EVI5L: variants seen among roughly 807,000 people sequenced by gnomAD.
The protein encoded by EVI5L is ecotropic viral integration site 5 like, also known as EVI5-like protein.
In EVI5L, 30 loss-of-function variants were observed where a neutral mutation model predicts 106.1. That is an observed-to-expected ratio of 0.28 (90% CI 0.21 to 0.38). EVI5L has a LOEUF of 0.38. Among genes scored for constraint, EVI5L ranks in the 10% least tolerant of loss-of-function variants. The pLI is 1.00. For missense variants in EVI5L, 809 were observed against 1,098.0 expected (o/e 0.74, Z 3.72); for synonymous variants, 489 against 483.3 (o/e 1.01, Z -0.15).
rs1478330630 is a variant in EVI5L at position 7,863,112 on chromosome 19, C to T, written c.2043+45C>T. On this transcript the variant is annotated intron_variant, in intron 18 of 19. Coordinates refer to ENST00000538904, the MANE Select transcript of EVI5L (RefSeq NM_001159944.3). This position sits in a 1 kb window ranked among gnomAD's most constrained non-coding sequence, Gnocchi z 7.7. ...TCGGGGGGCGGGGGCGGGGGCAGGG[C>T]CCGGGGCAGGAGCGGGGCCGGACCC... The T allele has an allele frequency of 6.6e-7, 1 of 1,524,534 alleles. No homozygotes were observed. Among genetic ancestry groups the T allele is most frequent in the East Asian group, 2.5e-5 (1 of 39,600 alleles). 94.4% of individuals were successfully genotyped at this position (1,524,534 alleles called of 1,614,324 possible).
At chr19:7,862,736 G>GACC (rs1568246246) in intron 17 of EVI5L, among the ~76,000 whole-genome samples, 5 of 48,000 alleles carry the variant, frequency 1.0e-4, no homozygotes, top group Non-Finnish European at 1.7e-4. Context: ...CCCGCCTCCT[G>GACC]ACCACCCCCC....
In EVI5L at chr19:7,846,529, C is replaced by T; in HGVS notation, c.-14C>T. The T allele has an allele frequency of 6.2e-7, 1 of 1,602,510 alleles. No individual in the cohort carries two copies. The highest frequency in any genetic ancestry group is 1.3e-5 in the African/African-American group (1 of 74,238). ...GTGAACCAACCCCGCTCACGGCTAA[C>T]AAGCCCACCCACCATGGCGAGCCCC... On this transcript the variant is annotated 5_prime_UTR_variant, in exon 2 of 20. Transcript: ENST00000538904.
intron 13 of EVI5L, 80 bp from the exon 14 acceptor site, chr19:7,860,481 G>C: frequency 7.8e-7 from 1 of 1,287,278 alleles, no homozygotes; most frequent in South Asian, 1.4e-5. Flanking sequence ...CTGGGGAGGC[G>C]GGGAGAAGCC....
At chr19:7,862,647 TGCCCGCGGTCCTCCCGCCCCC>T (rs1269121932) in intron 17 of EVI5L, 113 bp downstream of exon 17, 15 of 895,780 alleles carry the variant, frequency 1.7e-5, no homozygotes, top group East Asian at 1.1e-4. Flanking sequence ...GATCTGCCCC[TGCCCGCGGTCCTCCCGCCCCC>T]GCCCGCGGCC....
intron 1 of EVI5L, among the ~76,000 whole-genome samples, chr19:7,832,308 C>T (rs1244796338): frequency 3.9e-5 from 6 of 152,208 alleles, no homozygotes; most frequent in African/African-American, 1.4e-4. Flanking sequence ...GGAGCCGGGC[C>T]GGTCCAGTCC....
At chr19:7,837,001 C>T (rs1222606681) in intron 1 of EVI5L, among the ~76,000 whole-genome samples, 1 of 151,554 alleles carries the variant, frequency 6.6e-6, no homozygotes, top group Admixed American at 6.6e-5. Context: ...AGTTCAAGAC[C>T]AGCCTGGGCA....
Position 7,848,056 on chromosome 19 carries a change from T to G in EVI5L, c.327+135T>G. On this transcript the variant is annotated intron_variant, in intron 3 of 19. Transcript: ENST00000538904. This position sits in a 1 kb window ranked among gnomAD's most constrained non-coding sequence, Gnocchi z 4.8. The stretch of plus-strand genomic sequence containing the variant: ...GGCAGCAGTGGAGATGTGCAGGCAC[T>G]TTCAGGGTGTCCTGCCAGAGCACAG... The G allele has an allele frequency of 1.1e-6, 1 of 945,500 alleles. No individual in the cohort carries two copies. The highest frequency in any genetic ancestry group is 1.5e-6 in the Non-Finnish European group (1 of 650,916). The allele number at this position is 945,500 out of a possible 1,614,324, so 58.6% of individuals were successfully genotyped here.
intron 1 of EVI5L, among the ~76,000 whole-genome samples, chr19:7,832,047 G>A (rs947358630): frequency 6.6e-6 from 1 of 152,250 alleles, no homozygotes; most frequent in Non-Finnish European, 1.5e-5. Flanking sequence ...CCCCTCGGCC[G>A]GGATGTGATT....
At chr19:7,862,597 G>A (rs1979872818) in intron 17 of EVI5L, 63 bp downstream of exon 17, 1 of 1,307,232 alleles carries the variant, frequency 7.6e-7, no homozygotes, top group South Asian at 1.9e-5. Context: ...CCTACATGAG[G>A]CCCCGCCCCC....
At chr19:7,843,202 T>G (rs1272113478) in intron 1 of EVI5L, among the ~76,000 whole-genome samples, 2 of 145,384 alleles carry the variant, frequency 1.4e-5, no homozygotes, top group Non-Finnish European at 3.0e-5. Flanking sequence ...TGTATAGGGG[T>G]GTGTGTGTGA....
At chr19:7,862,934 T>A in intron 17 of EVI5L, 38 bp from the exon 18 acceptor site, 149 of 846,234 alleles carry the variant, frequency 1.8e-4, no homozygotes, top group Non-Finnish European at 2.4e-4. Flanking sequence ...CCGCGCCCCC[T>A]GACCCGCCCT....
intron 13 of EVI5L, 148 bp from the exon 14 acceptor site, chr19:7,860,413 A>T: frequency 1.6e-6 from 1 of 612,590 alleles, no homozygotes; most frequent in Non-Finnish European, 2.7e-6. Context: ...GGCCCTGAGC[A>T]TCAGGGGGTC....
chr19:7,840,083 C>T (rs1390656884), intron 1 of EVI5L, among the ~76,000 whole-genome samples: 1 of 152,084 alleles, frequency 6.6e-6, no homozygotes, highest in African/African-American at 2.4e-5. Flanking sequence ...CACCGGGGAC[C>T]CAGATAGATG....
chr19:7,857,962 G>A lies in EVI5L; in HGVS notation c.1234-229G>A. On this transcript the variant is annotated intron_variant, in intron 12 of 19. Transcript: ENST00000538904. The surrounding 1 kb of genome is among the most constrained non-coding windows in gnomAD (Gnocchi z 4.5). Reference sequence around the variant, plus strand: ...AGGAGATGGAGCTTTCCAAGCCCAGGGCTAGCTCTGTTCCTCCCGGGCTCC... The same window carrying A: ...AGGAGATGGAGCTTTCCAAGCCCAGAGCTAGCTCTGTTCCTCCCGGGCTCC... 3.6e-6 allele frequency: 2 copies of A among 554,686 alleles called. No individual in the cohort carries two copies. The highest frequency in any genetic ancestry group is 6.4e-6 in the Non-Finnish European group (2 of 310,146). 34.4% of individuals were successfully genotyped at this position (554,686 alleles called of 1,614,324 possible).
Position 7,858,413 on chromosome 19 carries a change from A to C in EVI5L, c.1374+82A>C. On this transcript the variant is annotated intron_variant, in intron 13 of 19. Coordinates refer to ENST00000538904, the MANE Select transcript of EVI5L (RefSeq NM_001159944.3). The surrounding 1 kb of genome is among the most constrained non-coding windows in gnomAD (Gnocchi z 5.7). ...GCCCAACGGTTTTCTTTCAGGGCTC[A>C]TAATCTGCCCCGCCTCAGCACCTGG... 53 of 1,449,066 alleles carry C rather than the reference A, an allele frequency of 3.7e-5. No individual in the cohort carries two copies. Among genetic ancestry groups the C allele is most frequent in the Non-Finnish European group, 4.7e-5 (52 of 1,104,132 alleles). The allele number at this position is 1,449,066 out of a possible 1,614,324, so 89.8% of individuals were successfully genotyped here.
intron 8 of EVI5L, 46 bp from the exon 9 acceptor site, chr19:7,853,040 C>G: frequency 6.2e-7 from 1 of 1,608,374 alleles, no homozygotes; most frequent in Non-Finnish European, 8.5e-7. Context: ...CCCCGGTGGT[C>G]AGGGCCTGCA....
intron 10 of EVI5L, among the ~76,000 whole-genome samples, 175 bp from the exon 11 acceptor site, chr19:7,855,840 A>G (rs1441775706): frequency 6.6e-6 from 1 of 152,244 alleles, no homozygotes; most frequent in Non-Finnish European, 1.5e-5. Context: ...CAGTCTGAAC[A>G]GGAATTGGCC....
rs1443947072 is a variant in EVI5L, at chr19:7,856,736, C to T, written c.1201-356C>T. Among the ~76,000 whole-genome samples, 3 of 152,132 alleles carry T rather than the reference C, an allele frequency of 2.0e-5. No individual in the cohort carries two copies. Among genetic ancestry groups the T allele is most frequent in the East Asian group, 3.9e-4 (2 of 5,172 alleles). On this transcript the variant is annotated intron_variant, in intron 11 of 19. Transcript: ENST00000538904. The surrounding 1 kb of genome is among the most constrained non-coding windows in gnomAD (Gnocchi z 6.6). ...CTCCTCTCCCACTCTCCAGGAGGTCCGCACGAAGCCAAAAGTCCCCCTGCC... is the reference window on the plus strand; with the variant it reads ...CTCCTCTCCCACTCTCCAGGAGGTCTGCACGAAGCCAAAAGTCCCCCTGCC...
rs1237734754 is a variant in EVI5L, at chr19:7,856,678, G to T, written c.1201-414G>T. On this transcript the variant is annotated intron_variant, in intron 11 of 19. Transcript: ENST00000538904. The surrounding 1 kb of genome is among the most constrained non-coding windows in gnomAD (Gnocchi z 6.6). The stretch of plus-strand genomic sequence containing the variant: ...CGGATTTGGTTGCCCTCACCCCAAA[G>T]CCTTGTTCTGCCTTAAAATTACAAC... 6.6e-6 allele frequency among the ~76,000 whole-genome samples: 1 copy of T among 152,092 alleles called. No homozygotes were observed. The highest frequency in any genetic ancestry group is 1.9e-4 in the East Asian group (1 of 5,154).
Sources: allele counts gnomAD v4.1 joint callset (sites outside exome capture counted in the v4.1 genomes callset), GRCh38; gene constraint gnomAD v4.1.1; non-coding constraint Gnocchi (gnomAD v3.1); transcripts MANE v1.5; gene names NCBI Gene and HGNC (gene_info 2026-07-23, HGNC 2026-07-21).